The following DCAKD variants were observed in gnomAD, a reference collection of about 807,000 sequenced individuals.
DCAKD encodes the protein dephospho-CoA kinase domain containing.
A neutral mutation model predicts 18.7 loss-of-function variants in DCAKD; 15 were observed. The observed-to-expected ratio is 0.80, with a 90% confidence interval of 0.54 to 1.24. DCAKD has a LOEUF of 1.24. Among genes scored for constraint, DCAKD ranks in the 50% most tolerant of loss-of-function variants. DCAKD has a pLI of 0.00. For synonymous variants in DCAKD, 130 were observed against 133.0 expected, an observed-to-expected ratio of 0.98 and a Z score of 0.16; for missense variants, 301 against 322.0, an observed-to-expected ratio of 0.93 and a Z score of 0.50.
intron 2 of DCAKD, 53 bp downstream of exon 2, chr17:45,034,721 G>A (rs1027384781): frequency 1.5e-5 from 24 of 1,576,546 alleles, no homozygotes; most frequent in African/African-American, 1.4e-4. Flanking sequence ...GCAGAAGGCC[G>A]GAAGCGTGGG....
chr17:45,031,476 G>A, intron 3 of DCAKD: 8 of 961,066 alleles, frequency 8.3e-6, no homozygotes, highest in Non-Finnish European at 9.9e-6. Context: ...AAGATGAAAT[G>A]AGCCTTGAAA....
chr17:45,031,467 A>G (rs560154807), intron 3 of DCAKD: 4 of 954,122 alleles, frequency 4.2e-6, no homozygotes, highest in East Asian at 2.3e-4. Flanking sequence ...ATGATGGTAA[A>G]GATGAAATGA....
intron 3 of DCAKD, chr17:45,031,863 T>C (rs932446615): frequency 5.0e-5 from 49 of 985,342 alleles, no homozygotes; most frequent in Non-Finnish European, 5.9e-5. Flanking sequence ...CGTTTGATTA[T>C]ACCAACTTTG....
intron 4 of DCAKD, among the ~76,000 whole-genome samples, chr17:45,027,464 G>C (rs1401514318): frequency 6.6e-6 from 1 of 152,210 alleles, no homozygotes; most frequent in Non-Finnish European, 1.5e-5. Flanking sequence ...GTAAAGCCTA[G>C]ATCCCTTTGG....
At chr17:45,046,667 C>T (rs1386418376) in intron 1 of DCAKD, among the ~76,000 whole-genome samples, 1 of 150,204 alleles carries the variant, frequency 6.7e-6, no homozygotes, top group African/African-American at 2.5e-5. Flanking sequence ...ACGGTAGTGC[C>T]AGGTGGCCTA....
intron 1 of DCAKD, among the ~76,000 whole-genome samples, chr17:45,058,605 A>G (rs1342122271): frequency 6.6e-6 from 1 of 151,544 alleles, no homozygotes; most frequent in African/African-American, 2.4e-5. Flanking sequence ...TATTTTCAGT[A>G]GAGACGGGGT....
chr17:45,026,810 C>T (rs1357167525), intron 4 of DCAKD: 7 of 985,278 alleles, frequency 7.1e-6, no homozygotes, highest in Non-Finnish European at 8.4e-6. Flanking sequence ...ATCAGGGAGA[C>T]CACATATCTG....
chr17:45,046,932 A>G (rs989967975), intron 1 of DCAKD, among the ~76,000 whole-genome samples: 2 of 152,178 alleles, frequency 1.3e-5, no homozygotes, highest in Non-Finnish European at 2.9e-5. Flanking sequence ...TCAAAAGGTC[A>G]GTATTCATGC....
At chr17:45,050,056 T>TTCTA (rs1236708063) in intron 1 of DCAKD, among the ~76,000 whole-genome samples, 24 of 149,078 alleles carry the variant, frequency 1.6e-4, no homozygotes, top group African/African-American at 5.7e-4. Flanking sequence ...CTTTCTTTCT[T>TTCTA]TTGAGAAGGA....
At chr17:45,047,441 C>G (rs543583234) in intron 1 of DCAKD, among the ~76,000 whole-genome samples, 1 of 151,976 alleles carries the variant, frequency 6.6e-6, no homozygotes, top group African/African-American at 2.4e-5. Context: ...CACCAACACG[C>G]CCGGCTAATT....
At chr17:45,045,687 G>C (rs989429979) in intron 1 of DCAKD, among the ~76,000 whole-genome samples, 1 of 145,718 alleles carries the variant, frequency 6.9e-6, no homozygotes, top group Admixed American at 7.0e-5. Flanking sequence ...AGCAGAGATC[G>C]CACCACTGCG....
intron 1 of DCAKD, among the ~76,000 whole-genome samples, chr17:45,036,427 A>C (rs59835134): frequency 6.6e-6 from 1 of 152,134 alleles, no homozygotes; most frequent in African/African-American, 2.4e-5. Flanking sequence ...GAGGCAGGAG[A>C]ATCGCTTGAA....
chr17:45,049,069 C>A (rs1049629515), intron 1 of DCAKD, among the ~76,000 whole-genome samples: 5 of 151,514 alleles, frequency 3.3e-5, no homozygotes, highest in African/African-American at 9.7e-5. Context: ...GTGACAGAGA[C>A]CCTGTCTCAA....
upstream of DCAKD, among the ~76,000 whole-genome samples, chr17:45,053,256 G>GGTTTGTTT (rs58025339): frequency 1.6e-4 from 22 of 138,620 alleles, no homozygotes; most frequent in East Asian, 3.2e-3. Flanking sequence ...TTTTTTGTTT[G>GGTTTGTTT]GTTTGTTTGT....
At chr17:45,038,062 C>A (rs527347521) in intron 1 of DCAKD, among the ~76,000 whole-genome samples, 2 of 151,136 alleles carry the variant, frequency 1.3e-5, no homozygotes, top group Admixed American at 1.3e-4. Flanking sequence ...AGCCACCATG[C>A]CTGGCCTTTT....
chr17:45,050,255 G>T (rs1205834353), intron 1 of DCAKD, among the ~76,000 whole-genome samples: 1 of 151,916 alleles, frequency 6.6e-6, no homozygotes, highest in African/African-American at 2.4e-5. Flanking sequence ...TGTTGACCAG[G>T]CTGGTCTCGA....
At chr17:45,029,514 G>T (rs758951988) in intron 4 of DCAKD, among the ~76,000 whole-genome samples, 32 of 152,182 alleles carry the variant, frequency 2.1e-4, no homozygotes, top group Non-Finnish European at 4.7e-4. Flanking sequence ...TCCCCCCACA[G>T]GTTGATCCTC....
chr17:45,027,957 C>A (rs1186575644), intron 4 of DCAKD, among the ~76,000 whole-genome samples: 8 of 149,436 alleles, frequency 5.4e-5, no homozygotes, highest in African/African-American at 2.0e-4. Flanking sequence ...CTGTACTCCA[C>A]CTTGGGTGAC....
chr17:45,051,578 C>T lies in DCAKD; in HGVS notation c.-332G>A, dbSNP rs1194285741. 1 of 151,430 alleles carries T rather than the reference C, an allele frequency of 6.6e-6. No homozygotes were observed. The highest frequency in any genetic ancestry group is 1.5e-5 in the Non-Finnish European group (1 of 67,842). 9.4% of individuals were successfully genotyped at this position (151,430 alleles called of 1,614,324 possible). Reference sequence around the variant, plus strand: ...CCAGCGCCTCCGCCGTGGCCCAGGCCTCCGCCTCTAGCCCAATCTCCGCAG... The same window carrying T: ...CCAGCGCCTCCGCCGTGGCCCAGGCTTCCGCCTCTAGCCCAATCTCCGCAG... On this transcript the variant is annotated 5_prime_UTR_variant, in exon 1 of 5. Transcript: ENST00000651974.
Sources: gnomAD v4.1 joint callset for allele counts (sites outside exome capture counted in the v4.1 genomes callset) on GRCh38, gnomAD v4.1.1 for gene constraint, MANE v1.5 for transcripts, NCBI Gene and HGNC (gene_info 2026-07-23, HGNC 2026-07-21) for gene names.